The following SPECC1 variants were observed in gnomAD, a reference collection of about 807,000 sequenced individuals.
SPECC1 encodes cytospin-B.
Under a neutral mutation model 104.1 loss-of-function variants are expected in SPECC1, and 62 were observed. The ratio of observed to expected loss-of-function variants is 0.60; its 90% CI spans 0.49 to 0.74. The LOEUF is 0.74. Ranked by LOEUF, SPECC1 falls within the 30% of genes least tolerant of loss-of-function variation. The pLI is 0.00. For missense variants in SPECC1, 1,306 were observed against 1,310.5 expected, an observed-to-expected ratio of 1.00 and a Z score of 0.05; for synonymous variants, 513 against 501.6, an observed-to-expected ratio of 1.02 and a Z score of -0.30.
At chr17:20,257,643 A>G in intron 11 of SPECC1, 36 bp downstream of exon 11, 1 of 1,606,588 alleles carries the variant, frequency 6.2e-7, no homozygotes, top group Non-Finnish European at 8.5e-7. Context: ...TCAGAAAAAC[A>G]TCGGGCTAAT....
intron 3 of SPECC1, among the ~76,000 whole-genome samples, chr17:20,122,188 G>T (rs2049068367): frequency 6.6e-6 from 1 of 152,140 alleles, no homozygotes; most frequent in African/African-American, 2.4e-5. Flanking sequence ...AAAGATGGGG[G>T]AGCTTGCGAG....
chr17:20,078,548 A>G (rs1567827866), intron 1 of SPECC1, among the ~76,000 whole-genome samples: 2 of 152,214 alleles, frequency 1.3e-5, no homozygotes, highest in Admixed American at 1.3e-4. Context: ...AGAGAGAATC[A>G]TAGGAAGATG....
chr17:20,100,217 T>C (rs993703618), intron 2 of SPECC1, among the ~76,000 whole-genome samples: 1 of 152,174 alleles, frequency 6.6e-6, no homozygotes, highest in African/African-American at 2.4e-5. Context: ...AGGAAAATGA[T>C]AGGGCTTGAG....
At chr17:20,091,460 T>G (rs2152500069) in intron 1 of SPECC1, among the ~76,000 whole-genome samples, 1 of 152,238 alleles carries the variant, frequency 6.6e-6, no homozygotes, top group East Asian at 1.9e-4. Flanking sequence ...GGCCAGATGC[T>G]TCCTTGTTGT....
chr17:20,178,532 G>A (rs2034636432), intron 3 of SPECC1, among the ~76,000 whole-genome samples: 1 of 152,198 alleles, frequency 6.6e-6, no homozygotes, highest in African/African-American at 2.4e-5. Context: ...CAGAGAGGCA[G>A]AAGAAAGCAT....
At chr17:20,165,315 T>TTCTGTTCCTGTG (rs2033557518) in intron 3 of SPECC1, among the ~76,000 whole-genome samples, 1 of 152,224 alleles carries the variant, frequency 6.6e-6, no homozygotes, top group Non-Finnish European at 1.5e-5. Flanking sequence ...GTGTTTGGTT[T>TTCTGTTCCTGTG]TCTGTTCCTG....
At chr17:20,257,685 G>C in intron 11 of SPECC1, 78 bp downstream of exon 11, 1 of 1,543,276 alleles carries the variant, frequency 6.5e-7, no homozygotes, top group Non-Finnish European at 8.7e-7. Flanking sequence ...TTTTGTCCCC[G>C]TGGCCAATTT....
At chr17:20,218,833 T>A (rs924004133) in intron 4 of SPECC1, among the ~76,000 whole-genome samples, 6 of 152,180 alleles carry the variant, frequency 3.9e-5, no homozygotes, top group Admixed American at 1.3e-4. Context: ...CTGGTAATCA[T>A]TCTACTCTCT....
chr17:20,187,440 C>T (rs575594232), intron 3 of SPECC1, among the ~76,000 whole-genome samples: 56 of 152,180 alleles, frequency 3.7e-4, no homozygotes, highest in African/African-American at 1.2e-3. Context: ...AGAGAGTCCC[C>T]GCTCTTTGCT....
chr17:20,247,232 G>A lies in SPECC1; in HGVS notation c.2511G>A (p.Gln837=), dbSNP rs148708454. The change falls in exon 9 of 15, where the codon CAG becomes CAA. Residue 837 remains glutamine (Q), a synonymous_variant. Coordinates refer to ENST00000395527, the MANE Select transcript of SPECC1 (RefSeq NM_001243439.2). ...FDLGRPGGAG[Q]NISVHKTPRS... Reference sequence around the variant, plus strand: ...TTTTCTTGGCAGGTGGAGCTGGACAGAATATTTCTGTCCATAAGACCCCCA... The same window carrying A: ...TTTTCTTGGCAGGTGGAGCTGGACAAAATATTTCTGTCCATAAGACCCCCA... 1.1e-4 allele frequency: 180 copies of A among 1,613,234 alleles called. 1 individual carries two copies. The highest frequency in any genetic ancestry group is 2.2e-5 in the Non-Finnish European group (26 of 1,179,644).
Position 20,274,507 on chromosome 17 carries a change from C to CTT in SPECC1, c.2940+14230_2940+14231dup, listed in dbSNP as rs1162367833. On this transcript the variant is annotated intron_variant, in intron 12 of 14. Coordinates refer to ENST00000395527, the MANE Select transcript of SPECC1 (RefSeq NM_001243439.2). ...GTTTTGTTTCCTTTTTTTCTTTTTT[C>CTT]TTTTTTTTTTTTTTTTTTGAGAGGT... 1.8e-3 allele frequency among the ~76,000 whole-genome samples: 234 copies of CTT among 131,446 alleles called. 1 individual carries two copies. The highest frequency in any genetic ancestry group is 5.0e-3 in the African/African-American group (179 of 35,614). The allele number at this position is 131,446 out of a possible 152,430, so 86.2% of individuals were successfully genotyped here. A position where few individuals can be genotyped will look rare whatever the true frequency, so the allele number is the denominator to read the frequency against.
chr17:20,043,633 T>C (rs2045420764), intron 1 of SPECC1, among the ~76,000 whole-genome samples: 1 of 152,198 alleles, frequency 6.6e-6, no homozygotes, highest in Non-Finnish European at 1.5e-5. Flanking sequence ...TGTTAATCTT[T>C]GGGCAGTTCC....
At chr17:20,113,222 T>C (rs1425777137) in intron 3 of SPECC1, among the ~76,000 whole-genome samples, 4 of 152,142 alleles carry the variant, frequency 2.6e-5, no homozygotes. Flanking sequence ...AAACTAGATA[T>C]TGCTGCCTTT....
intron 7 of SPECC1, among the ~76,000 whole-genome samples, chr17:20,242,479 GTCTGGCCTGCAACTGTTGTTCTCTAGTA>G (rs1401356959): frequency 5.3e-5 from 8 of 152,206 alleles, no homozygotes; most frequent in East Asian, 1.9e-4. Flanking sequence ...GCATCAGGCG[GTCTGGCCTGCAACTGTTGTTCTCTAGTA>G]TCTGGCCTGC....
chr17:20,257,580 G>C lies in SPECC1; in HGVS notation c.2810G>C (p.Arg937Pro). 1 of 1,612,496 alleles carries C rather than the reference G, an allele frequency of 6.2e-7. No homozygotes were observed. The change falls in exon 11 of 15, where the codon CGG becomes CCG. Residue 937 changes from arginine (R) to proline (P), a missense_variant. Physicochemically the swap from Arg to Pro is moderately radical, Grantham distance 103. This residue lies in a region of SPECC1 where 129 missense variants were observed against 170.6 expected (regional missense o/e 0.76). Transcript: ENST00000395527. The stretch of plus-strand genomic sequence containing the variant: ...ACAAGACTGCTGAGTGCTTCCACCC[G>C]GGCATGGAAACCACAAAGCAAACTC... ...GDTRLLSAST[R>P]AWKPQSKLSV...
chr17:20,115,061 T>C (rs1300913734), intron 3 of SPECC1, among the ~76,000 whole-genome samples: 1 of 152,204 alleles, frequency 6.6e-6, no homozygotes, highest in Non-Finnish European at 1.5e-5. Flanking sequence ...ATCCGAAAGA[T>C]ATAACATGGT....
chr17:20,018,948 G>A (rs2152431559), intron 1 of SPECC1, among the ~76,000 whole-genome samples: 1 of 152,312 alleles, frequency 6.6e-6, no homozygotes, highest in East Asian at 1.9e-4. Flanking sequence ...AAAAGCAGGA[G>A]TTCAGCATAA....
chr17:20,110,367 A>G, intron 2 of SPECC1, 60 bp from the exon 3 acceptor site: 1 of 1,544,702 alleles, frequency 6.5e-7, no homozygotes, highest in Non-Finnish European at 8.8e-7. Context: ...CTGCTTGTTT[A>G]TAGCGCTCCT....
chr17:20,163,814 G>GC (rs2033395388), intron 3 of SPECC1, among the ~76,000 whole-genome samples: 1 of 152,036 alleles, frequency 6.6e-6, no homozygotes. Context: ...TCCCACCTTG[G>GC]CCTCCCAAAG....
Sources: gnomAD v4.1 joint callset for allele counts (sites outside exome capture counted in the v4.1 genomes callset) on GRCh38, gnomAD v4.1.1 for gene constraint, gnomAD v4.1.1 regional missense constraint, MANE v1.5 for transcripts, NCBI Gene and HGNC (gene_info 2026-07-23, HGNC 2026-07-21) for gene names.